The following ADD1 variants were observed in gnomAD, a reference collection of about 807,000 sequenced individuals.
ADD1 encodes the protein alpha-adducin.
A neutral mutation model predicts 80.5 loss-of-function variants in ADD1; 24 were observed. The observed-to-expected ratio is 0.30, with a 90% CI of 0.22 to 0.42. The LOEUF (loss-of-function observed/expected upper bound fraction) is 0.42. Among genes scored for constraint, ADD1 ranks in the 10% least tolerant of loss-of-function variants. ADD1 has a pLI of 1.00. For missense variants in ADD1, 948 were observed against 1,019.0 expected, an observed-to-expected ratio of 0.93 and a Z score of 0.95; for synonymous variants, 373 against 393.8, an observed-to-expected ratio of 0.95 and a Z score of 0.63.
At chr4:2,905,748 G>C (rs1052253654) in intron 10 of ADD1, 1 of 153,362 alleles carries the variant, frequency 6.5e-6, no homozygotes, top group Non-Finnish European at 1.5e-5. Context: ...CAAGTGCAGC[G>C]CAGGCCATCT....
At chr4:2,915,620 G>A (rs1172880366) in intron 14 of ADD1, among the ~76,000 whole-genome samples, 2 of 152,076 alleles carry the variant, frequency 1.3e-5, no homozygotes, top group African/African-American at 2.4e-5. Flanking sequence ...CAGCCTGGGC[G>A]ACAGAGTGAG....
At chr4:2,904,557 G>A in intron 9 of ADD1, 3 of 591,876 alleles carry the variant, frequency 5.1e-6, no homozygotes, top group Admixed American at 3.0e-5. Flanking sequence ...TGTGGTTTAC[G>A]AGGAGTAGGG....
In ADD1 at chr4:2,928,671, C is replaced by G; in HGVS notation, c.*148C>G. The G allele has an allele frequency of 4.9e-6, 4 of 809,984 alleles. No homozygotes were observed. Among genetic ancestry groups the G allele is most frequent in the Non-Finnish European group, 7.7e-6 (4 of 516,942 alleles). 50.2% of individuals were successfully genotyped at this position (809,984 alleles called of 1,614,324 possible). A position where few individuals can be genotyped will look rare whatever the true frequency, so the allele number is the denominator to read the frequency against. Reference sequence around the variant, plus strand: ...CCCTCACGTGACCAGCCCCGTGTAGCCCCGGGCTGACCCAGTGTGTGCTCA... The same window carrying G: ...CCCTCACGTGACCAGCCCCGTGTAGGCCCGGGCTGACCCAGTGTGTGCTCA... On this transcript the variant is annotated 3_prime_UTR_variant, in exon 16 of 16. Transcript: ENST00000683351.
chr4:2,857,036 CT>C (rs1348169287), intron 1 of ADD1, among the ~76,000 whole-genome samples: 2 of 152,048 alleles, frequency 1.3e-5, no homozygotes, highest in Non-Finnish European at 2.9e-5. Flanking sequence ...CCTCAGCCTC[CT>C]GAGTAGCTGG....
intron 1 of ADD1, among the ~76,000 whole-genome samples, chr4:2,855,600 T>G (rs2108803885): frequency 6.6e-6 from 1 of 152,026 alleles, no homozygotes; most frequent in East Asian, 1.9e-4. Context: ...AACTCTCAAG[T>G]TACATGCTGC....
At chr4:2,853,599 A>G (rs528807737) in intron 1 of ADD1, 2 of 151,738 alleles carry the variant, frequency 1.3e-5, no homozygotes, top group East Asian at 3.9e-4. Flanking sequence ...CTCTTCTGTT[A>G]TTATGTTGTT....
At chr4:2,866,382 G>A (rs1729555861) in intron 1 of ADD1, among the ~76,000 whole-genome samples, 1 of 152,196 alleles carries the variant, frequency 6.6e-6, no homozygotes, top group Non-Finnish European at 1.5e-5. Flanking sequence ...CACCATGTTG[G>A]CCAGGCTGGT....
chr4:2,888,500 C>G (rs1733769095), intron 4 of ADD1, among the ~76,000 whole-genome samples: 1 of 151,810 alleles, frequency 6.6e-6, no homozygotes. Context: ...CACTCAACCT[C>G]TACCTTCCGA....
At chr4:2,927,510 G>C (rs920095120) in intron 15 of ADD1, among the ~76,000 whole-genome samples, 2 of 152,196 alleles carry the variant, frequency 1.3e-5, no homozygotes, top group African/African-American at 4.8e-5. Context: ...GGACAGAGCG[G>C]GTGCCCGGGT....
At chr4:2,924,359 C>G (rs952090187) in intron 14 of ADD1, among the ~76,000 whole-genome samples, 5 of 152,198 alleles carry the variant, frequency 3.3e-5, no homozygotes, top group African/African-American at 1.2e-4. Context: ...GCTGCCAGCT[C>G]TCTTGTCCAC....
At chr4:2,895,756 C>CA (rs1229376679) in intron 6 of ADD1, among the ~76,000 whole-genome samples, 3 of 152,222 alleles carry the variant, frequency 2.0e-5, no homozygotes, top group African/African-American at 7.2e-5. Flanking sequence ...TATGAAAGTG[C>CA]ACGTGCAGGC....
At chr4:2,916,570 C>T (rs1291776368) in intron 14 of ADD1, among the ~76,000 whole-genome samples, 1 of 152,020 alleles carries the variant, frequency 6.6e-6, no homozygotes, top group Non-Finnish European at 1.5e-5. Context: ...TTTTGGGATA[C>T]ATGTACAGAA....
intron 2 of ADD1, among the ~76,000 whole-genome samples, chr4:2,879,519 G>C (rs139260916): frequency 6.6e-6 from 1 of 152,298 alleles, no homozygotes; most frequent in African/African-American, 2.4e-5. Context: ...TGAATTTTCA[G>C]ACTGAGGGCT....
At chr4:2,860,105 T>C (rs763634940) in intron 1 of ADD1, among the ~76,000 whole-genome samples, 41 of 152,138 alleles carry the variant, frequency 2.7e-4, no homozygotes, top group Admixed American at 5.2e-4. Flanking sequence ...CTGCAGTCTT[T>C]ATGGGGTTTC....
At chr4:2,852,368 C>T (rs1201682294) in intron 1 of ADD1, among the ~76,000 whole-genome samples, 4 of 142,726 alleles carry the variant, frequency 2.8e-5, no homozygotes, top group Non-Finnish European at 6.0e-5. Flanking sequence ...GCTCTTTCGC[C>T]CAGGCTGGAG....
intron 13 of ADD1, among the ~76,000 whole-genome samples, chr4:2,913,007 G>A (rs187473040): frequency 6.6e-6 from 1 of 151,974 alleles, no homozygotes; most frequent in Non-Finnish European, 1.5e-5. Context: ...ACCACGCCTG[G>A]TTAATTTTTT....
Position 2,926,552 on chromosome 4 carries a change from G to T in ADD1, c.2047+440G>T. The T allele has an allele frequency of 6.9e-7, 1 of 1,457,098 alleles. No individual in the cohort carries two copies. The highest frequency in any genetic ancestry group is 1.4e-5 in the African/African-American group (1 of 71,550). The allele number at this position is 1,457,098 out of a possible 1,614,324, so 90.3% of individuals were successfully genotyped here. A position where few individuals can be genotyped will look rare whatever the true frequency, so the allele number is the denominator to read the frequency against. ...TGTCTCTCGTGAAGCCCGTGGCCCT[G>T]CCTTTCTTCTTCTGTAACCTGATGG... On this transcript the variant is annotated intron_variant, in intron 15 of 15. Transcript: ENST00000683351. This position sits in a 1 kb window ranked among gnomAD's most constrained non-coding sequence, Gnocchi z 5.0.
chr4:2,892,978 C>T (rs974741568), intron 4 of ADD1, among the ~76,000 whole-genome samples: 2 of 151,958 alleles, frequency 1.3e-5, no homozygotes, highest in Non-Finnish European at 2.9e-5. Context: ...TGCAGTGGCA[C>T]GATCATGACT....
intron 2 of ADD1, chr4:2,881,531 C>T (rs1294214588): frequency 1.8e-5 from 3 of 165,488 alleles, no homozygotes; most frequent in East Asian, 1.7e-4. Flanking sequence ...TGAATGCATG[C>T]GTAGAATTCC....
Sources: allele counts gnomAD v4.1 joint callset (sites outside exome capture counted in the v4.1 genomes callset), GRCh38; gene constraint gnomAD v4.1.1; non-coding constraint Gnocchi (gnomAD v3.1); transcripts MANE v1.5; gene names NCBI Gene and HGNC (gene_info 2026-07-23, HGNC 2026-07-21).